Variants in TRAK1 observed in about 807,000 individuals in gnomAD.
TRAK1 encodes the protein trafficking kinesin-binding protein 1.
Under a neutral mutation model 92.1 loss-of-function variants are expected in TRAK1, and 33 were observed. The observed-to-expected ratio is 0.36, with a 90% CI of 0.27 to 0.48. The LOEUF (loss-of-function observed/expected upper bound fraction) is 0.48. TRAK1 is among the 20% of genes least tolerant of loss of function. The probability of loss-of-function intolerance (pLI) is 0.99; values close to 1 mark genes in which losing one functional copy is unlikely to be tolerated. For missense variants in TRAK1, 1,123 were observed against 1,257.9 expected, an observed-to-expected ratio of 0.89 and a Z score of 1.62; for synonymous variants, 521 against 517.3, an observed-to-expected ratio of 1.01 and a Z score of -0.10.
chr3:42,031,432 G>A (rs1221228496), intron 1 of TRAK1, among the ~76,000 whole-genome samples: 1 of 151,778 alleles, frequency 6.6e-6, no homozygotes, highest in East Asian at 2.0e-4. Context: ...GAGGCAGGAG[G>A]ATAGCTTGAT....
At position 42,114,858 on chromosome 3, in the gene TRAK1, G is replaced by A. The variant is rs147449096; in HGVS notation, c.92-10562G>A. Among the ~76,000 whole-genome samples the A allele has an allele frequency of 8.6e-5, 13 of 151,984 alleles. No individual in the cohort carries two copies. The East Asian group carries it at 2.5e-3, about 29-fold the overall frequency. ...CTCCCAAGTAGCTGGGATTACTGGC[G>A]TGCACCACCACGTCTGGCTAATTTT... is the stretch of plus-strand genomic sequence containing the variant. On this transcript the variant is annotated intron_variant, in intron 1 of 15. Transcript: ENST00000327628.
intron 1 of TRAK1, among the ~76,000 whole-genome samples, chr3:42,079,785 G>T (rs1317220517): frequency 2.6e-5 from 4 of 151,974 alleles, no homozygotes; most frequent in African/African-American, 9.7e-5. Flanking sequence ...CCTGCTGGAA[G>T]CTCCTTTTTT....
intron 2 of TRAK1, among the ~76,000 whole-genome samples, chr3:42,152,160 G>A (rs1338363664): frequency 1.3e-5 from 2 of 152,138 alleles, no homozygotes; most frequent in African/African-American, 4.8e-5. Context: ...ATTAATGTTT[G>A]TTGTGGGGGT....
chr3:42,186,521 T>C (rs1253636757), intron 4 of TRAK1, among the ~76,000 whole-genome samples: 2 of 152,354 alleles, frequency 1.3e-5, no homozygotes, highest in South Asian at 2.1e-4. Context: ...AATAAAGTGA[T>C]TCGTGCATTC....
intron 14 of TRAK1, chr3:42,212,105 A>G: frequency 5.1e-6 from 5 of 985,424 alleles, no homozygotes; most frequent in Non-Finnish European, 6.0e-6. Flanking sequence ...CTTAGAATGT[A>G]AAAAGCATAT....
intron 1 of TRAK1, among the ~76,000 whole-genome samples, chr3:42,026,694 T>G (rs1342246709): frequency 6.6e-6 from 1 of 151,950 alleles, no homozygotes; most frequent in Non-Finnish European, 1.5e-5. Context: ...CTGGCTAATT[T>G]TTGTATTTTT....
At position 42,137,883 on chromosome 3, in the gene TRAK1, C is replaced by T. The variant is rs147377724; in HGVS notation, c.286+12269C>T. ...AATCACTTATCACTGCATTGGGACT[C>T]GGTTTCTTATCTGGAAATTAATCAG... On this transcript the variant is annotated intron_variant, in intron 2 of 15. Transcript: ENST00000327628. Among the ~76,000 whole-genome samples, 815 of 152,234 alleles carry T rather than the reference C, an allele frequency of 5.4e-3. 8 individuals carry two copies. Among genetic ancestry groups the T allele is most frequent in the African/African-American group, 0.018 (755 of 41,524 alleles).
chr3:42,102,511 G>C (rs967216538), intron 1 of TRAK1, among the ~76,000 whole-genome samples: 1 of 152,184 alleles, frequency 6.6e-6, no homozygotes, highest in Non-Finnish European at 1.5e-5. Context: ...AGCCCAGCAA[G>C]GTCAAGGTTC....
At chr3:42,038,787 CAA>C (rs34444971) in intron 1 of TRAK1, among the ~76,000 whole-genome samples, 6 of 62,602 alleles carry the variant, frequency 9.6e-5, no homozygotes, top group Admixed American at 2.1e-4. Context: ...GACTTCATCT[CAA>C]AAAAAAAAAA....
chr3:42,170,433 T>G (rs1015586412), intron 2 of TRAK1, among the ~76,000 whole-genome samples: 2 of 152,124 alleles, frequency 1.3e-5, no homozygotes, highest in Non-Finnish European at 2.9e-5. Context: ...GGGCATCAGG[T>G]GCCAAATGTA....
Position 42,194,923 on chromosome 3 carries a change from A to T in TRAK1, c.1095A>T (p.Ser365=). Reference sequence around the variant, plus strand: ...ATACCACGTCTCGGCGCTACCACTCACTGGGCCTGTTTCCCATGGTGAGCT... The same window carrying T: ...ATACCACGTCTCGGCGCTACCACTCTCTGGGCCTGTTTCCCATGGTGAGCT... ...MPNTTSRRYH[S]LGLFPMDSLA... is the part of the protein sequence containing the mutation. The change falls in exon 10 of 16, where the codon TCA becomes TCT. Residue 365 remains serine, a synonymous_variant. Coordinates refer to ENST00000327628, the MANE Select transcript of TRAK1 (RefSeq NM_001042646.3). 6.2e-7 allele frequency: 1 copy of T among 1,613,292 alleles called. No individual in the cohort carries two copies. Among genetic ancestry groups the T allele is most frequent in the South Asian group, 1.1e-5 (1 of 90,950 alleles).
At chr3:42,058,411 C>T (rs1357045609) in intron 1 of TRAK1, among the ~76,000 whole-genome samples, 1 of 152,016 alleles carries the variant, frequency 6.6e-6, no homozygotes, top group East Asian at 1.9e-4. Context: ...GATCTCAGCT[C>T]ACTGCAACCT....
chr3:42,113,384 ACCC>A (rs1708735788), intron 1 of TRAK1, among the ~76,000 whole-genome samples: 1 of 37,918 alleles, frequency 2.6e-5, no homozygotes, highest in South Asian at 1.2e-3. Flanking sequence ...CCCTACCCCT[ACCC>A]CTACCCCTAC....
chr3:42,192,764 C>T (rs188726310), intron 7 of TRAK1, among the ~76,000 whole-genome samples: 18 of 152,320 alleles, frequency 1.2e-4, no homozygotes, highest in Admixed American at 7.8e-4. Context: ...TTCTATCTGA[C>T]CACTGGAGCC....
intron 1 of TRAK1, among the ~76,000 whole-genome samples, chr3:42,039,423 G>A (rs1702451446): frequency 6.6e-6 from 1 of 152,182 alleles, no homozygotes; most frequent in African/African-American, 2.4e-5. Context: ...GAGTGCAATG[G>A]CGTGATCTCA....
intron 2 of TRAK1, among the ~76,000 whole-genome samples, chr3:42,140,944 G>A (rs1289832383): frequency 6.6e-6 from 1 of 152,164 alleles, no homozygotes; most frequent in African/African-American, 2.4e-5. Context: ...TGGAGCACTG[G>A]GGATGCATAG....
At chr3:42,192,967 T>C in intron 7 of TRAK1, 108 bp from the exon 8 acceptor site, 1 of 1,492,428 alleles carries the variant, frequency 6.7e-7, no homozygotes, top group South Asian at 1.3e-5. Context: ...TACCCTGTCT[T>C]TTAGTAAGGA....
At chr3:42,207,093 T>C (rs142500065) in intron 13 of TRAK1, among the ~76,000 whole-genome samples, 10 of 152,296 alleles carry the variant, frequency 6.6e-5, no homozygotes, top group African/African-American at 2.2e-4. Context: ...ATACCCCCCT[T>C]TTCCCTTCCA....
intron 2 of TRAK1, among the ~76,000 whole-genome samples, chr3:42,129,676 AC>A (rs1696937144): frequency 6.6e-6 from 1 of 152,210 alleles, no homozygotes; most frequent in African/African-American, 2.4e-5. Context: ...AGCATAGTCA[AC>A]GTACGGTACT....
Sources: allele counts gnomAD v4.1 joint callset (sites outside exome capture counted in the v4.1 genomes callset), GRCh38; gene constraint gnomAD v4.1.1; transcripts MANE v1.5; gene names NCBI Gene and HGNC (gene_info 2026-07-23, HGNC 2026-07-21).